SERTAD2: variants seen among roughly 807,000 people sequenced by gnomAD.
SERTAD2 encodes SERTA domain-containing protein 2.
In SERTAD2, 2 loss-of-function variants were observed where a neutral mutation model predicts 15.4. The ratio of observed to expected loss-of-function variants is 0.13; its 90% CI spans 0.05 to 0.41. The LOEUF is 0.41. Among genes scored for constraint, SERTAD2 ranks in the 10% least tolerant of loss-of-function variants. The pLI is 0.99. For synonymous variants in SERTAD2, 180 were observed against 178.0 expected (o/e 1.01, Z -0.09); for missense variants, 333 against 409.7 (o/e 0.81, Z 1.62).
At chr2:64,649,082 C>A (rs946614026) in intron 1 of SERTAD2, among the ~76,000 whole-genome samples, 1 of 152,178 alleles carries the variant, frequency 6.6e-6, no homozygotes, top group African/African-American at 2.4e-5. Context: ...AATGGGATAA[C>A]CACACAGGGA....
chr2:64,636,116 A>G lies in SERTAD2; in HGVS notation c.756T>C (p.Asp252=). The part of the protein sequence containing the change: ...TLDDILFADI[D]TSMYDFDPCT... ...AGGGGTCAAAATCATACATGGACGT[A>G]TCAATGTCAGCAAACAGGATGTCAT... Residue 252 remains aspartate, a synonymous_variant, in exon 2 of 2, where the codon GAT becomes GAC. Coordinates refer to ENST00000313349, the MANE Select transcript of SERTAD2 (RefSeq NM_014755.3). 1 of 1,614,192 alleles carries G rather than the reference A, an allele frequency of 6.2e-7. No homozygotes were observed.
Position 64,633,687 on chromosome 2 carries a change from A to G in SERTAD2, c.*2240T>C, listed in dbSNP as rs1393002739. 1 of 152,206 alleles carries G rather than the reference A, an allele frequency of 6.6e-6. No individual in the cohort carries two copies. The highest frequency in any genetic ancestry group is 2.4e-5 in the African/African-American group (1 of 41,440). 9.4% of individuals were successfully genotyped at this position (152,206 alleles called of 1,614,324 possible). ...CATACTGACACTGGAAGCATCTACT[A>G]CAACCCTCACCTCAGTTACATGGTC... is the stretch of plus-strand genomic sequence containing the variant. On this transcript the variant is annotated 3_prime_UTR_variant, in exon 2 of 2. Coordinates refer to ENST00000313349, the MANE Select transcript of SERTAD2 (RefSeq NM_014755.3).
intron 1 of SERTAD2, among the ~76,000 whole-genome samples, chr2:64,653,402 G>T (rs974733255): frequency 1.3e-5 from 2 of 150,684 alleles, no homozygotes; most frequent in African/African-American, 4.9e-5. Flanking sequence ...GCCCGCAGGC[G>T]CCGGGGGTCC....
At chr2:64,641,217 GTAGA>G (rs1413800121) in intron 1 of SERTAD2, among the ~76,000 whole-genome samples, 1 of 152,138 alleles carries the variant, frequency 6.6e-6, no homozygotes, top group Non-Finnish European at 1.5e-5. Context: ...TACAATCTGG[GTAGA>G]TGCTCAAAAG....
At chr2:64,650,537 A>G (rs72894631) in intron 1 of SERTAD2, among the ~76,000 whole-genome samples, 1 of 152,202 alleles carries the variant, frequency 6.6e-6, no homozygotes, top group Non-Finnish European at 1.5e-5. Context: ...AGTTCTGTTC[A>G]TAAGGGTTTC....
chr2:64,641,040 C>T (rs1245720469), intron 1 of SERTAD2, among the ~76,000 whole-genome samples: 1 of 152,216 alleles, frequency 6.6e-6, no homozygotes, highest in East Asian at 1.9e-4. Flanking sequence ...CTGCTATTAA[C>T]TGCAGCAAAC....
intron 1 of SERTAD2, among the ~76,000 whole-genome samples, chr2:64,643,146 A>G (rs1399271992): frequency 6.6e-6 from 1 of 152,214 alleles, no homozygotes. Flanking sequence ...GCGGGGACAG[A>G]CGGGGAACTC....
In SERTAD2 at chr2:64,632,889, AACTC is replaced by A. The variant is rs1251423670; in HGVS notation, c.*3034_*3037del. On this transcript the variant is annotated 3_prime_UTR_variant, in exon 2 of 2. Transcript: ENST00000313349. ...AATAAATAACTTATGGGGGGAAAAAAACTCACTTCAAATTCAAAGCTCTTACGAT... is the reference window on the plus strand; with the variant it reads ...AATAAATAACTTATGGGGGGAAAAAAACTTCAAATTCAAAGCTCTTACGAT... 2.1e-5 allele frequency: 3 copies of A among 139,960 alleles called. No individual in the cohort carries two copies. The highest frequency in any genetic ancestry group is 7.4e-5 in the African/African-American group (3 of 40,790). The allele number at this position is 139,960 out of a possible 1,614,324, so 8.7% of individuals were successfully genotyped here. A position where few individuals can be genotyped will look rare whatever the true frequency, so the allele number is the denominator to read the frequency against.
intron 1 of SERTAD2, among the ~76,000 whole-genome samples, chr2:64,641,759 C>A (rs1471765194): frequency 6.6e-6 from 1 of 152,074 alleles, no homozygotes; most frequent in East Asian, 1.9e-4. Context: ...GGATCAGGGT[C>A]GCGCAATGCA....
chr2:64,648,197 A>C (rs1374095629), intron 1 of SERTAD2, among the ~76,000 whole-genome samples: 1 of 152,236 alleles, frequency 6.6e-6, no homozygotes, highest in Non-Finnish European at 1.5e-5. Flanking sequence ...AATGGAAGGA[A>C]ATAACTATTT....
chr2:64,636,734 C>A lies in SERTAD2; in HGVS notation c.138G>T (p.Met46Ile), dbSNP rs1674670774. The A allele has an allele frequency of 6.2e-7, 1 of 1,613,972 alleles. No individual in the cohort carries two copies. The highest frequency in any genetic ancestry group is 1.3e-5 in the African/African-American group (1 of 74,874). ...TCAGGGGCCTGTGGTTATAGAGTTT[C>A]ATAAGGGAAATGTTGAAGATAGTCT... ...QRQTIFNISL[M>I]KLYNHRPLTE... The change falls in exon 2 of 2, where the codon ATG becomes ATT. Residue 46 changes from methionine to isoleucine, a missense_variant. Transcript: ENST00000313349.
intron 1 of SERTAD2, among the ~76,000 whole-genome samples, chr2:64,638,057 A>G (rs1182284076): frequency 6.6e-6 from 1 of 152,192 alleles, no homozygotes; most frequent in Non-Finnish European, 1.5e-5. Flanking sequence ...TCGGACCAGG[A>G]TCGTGGTTCG....
At chr2:64,640,649 G>A (rs1477035) in intron 1 of SERTAD2, among the ~76,000 whole-genome samples, 65,909 of 151,750 alleles carry the variant, frequency 0.43, 14,558 homozygotes, top group East Asian at 0.47. Flanking sequence ...CCTGCGGAGG[G>A]GGGGCCTGGA....
chr2:64,635,754 C>T lies in SERTAD2; in HGVS notation c.*173G>A, dbSNP rs1674643347. On this transcript the variant is annotated 3_prime_UTR_variant, in exon 2 of 2. Transcript: ENST00000313349. ...AAAAAGTGTATTAAAAGTGGTCATACTTGGATGAAGGCACTCCAACTCTGC... is the reference window on the plus strand; with the variant it reads ...AAAAAGTGTATTAAAAGTGGTCATATTTGGATGAAGGCACTCCAACTCTGC... 1 of 593,984 alleles carries T rather than the reference C, an allele frequency of 1.7e-6. No individual in the cohort carries two copies. The highest frequency in any genetic ancestry group is 2.8e-5 in the East Asian group (1 of 35,910). The allele number at this position is 593,984 out of a possible 1,614,324, so 36.8% of individuals were successfully genotyped here.
chr2:64,636,135 A>T lies in SERTAD2; in HGVS notation c.737T>A (p.Ile246Asn). The change falls in exon 2 of 2, where the codon ATC (isoleucine) becomes AAC (asparagine). Residue 246 changes from isoleucine to asparagine, a missense_variant. Coordinates refer to ENST00000313349, the MANE Select transcript of SERTAD2 (RefSeq NM_014755.3). ...GFLTDLTLDDILFADIDTSMY... is the reference protein window; with the variant it reads ...GFLTDLTLDDNLFADIDTSMY... ...GGACGTATCAATGTCAGCAAACAGG[A>T]TGTCATCCAGGGTCAAGTCTGTCAG... 1.2e-6 allele frequency: 2 copies of T among 1,614,116 alleles called. No individual in the cohort carries two copies. The highest frequency in any genetic ancestry group is 1.7e-6 in the Non-Finnish European group (2 of 1,180,018).
intron 1 of SERTAD2, among the ~76,000 whole-genome samples, chr2:64,648,264 G>A (rs933660915): frequency 7.2e-5 from 11 of 152,194 alleles, no homozygotes; most frequent in African/African-American, 2.4e-4. Flanking sequence ...TAATTTGGTT[G>A]CCTCTAAGAA....
intron 1 of SERTAD2, among the ~76,000 whole-genome samples, chr2:64,639,933 G>A (rs935084698): frequency 1.3e-5 from 2 of 152,174 alleles, no homozygotes; most frequent in African/African-American, 2.4e-5. Context: ...AGGGCAGAGG[G>A]CTCGGTAAGC....
Position 64,646,028 on chromosome 2 carries a change from G to A in SERTAD2, c.-5+7592C>T, listed in dbSNP as rs553394989. ...TAAGGAAAAAGGATTACTTGGGAAT[G>A]GCACACTTAATTCAAGTAAAAGGTT... is the stretch of plus-strand genomic sequence containing the variant. On this transcript the variant is annotated intron_variant, in intron 1 of 1. Coordinates refer to ENST00000313349, the MANE Select transcript of SERTAD2 (RefSeq NM_014755.3). 3.9e-5 allele frequency among the ~76,000 whole-genome samples: 6 copies of A among 152,212 alleles called. 1 individual carries two copies. Among genetic ancestry groups the A allele is most frequent in the African/African-American group, 1.4e-4 (6 of 41,518 alleles).
chr2:64,632,831 C>T lies in SERTAD2; in HGVS notation c.*3096G>A, dbSNP rs1469910774. ...TTACGATCCAGATGTTAGCGCTCCA[C>T]AGTAAAATAAATATATTTACACAGA... is the stretch of plus-strand genomic sequence containing the variant. On this transcript the variant is annotated 3_prime_UTR_variant, in exon 2 of 2. Coordinates refer to ENST00000313349, the MANE Select transcript of SERTAD2 (RefSeq NM_014755.3). 3 of 152,446 alleles carry T rather than the reference C, an allele frequency of 2.0e-5. No homozygotes were observed. 9.4% of individuals were successfully genotyped at this position (152,446 alleles called of 1,614,324 possible).
Sources: allele counts gnomAD v4.1 joint callset (sites outside exome capture counted in the v4.1 genomes callset), GRCh38; gene constraint gnomAD v4.1.1; transcripts MANE v1.5; gene names NCBI Gene and HGNC (gene_info 2026-07-23, HGNC 2026-07-21).